NKAIN2: variants seen among roughly 807,000 people sequenced by gnomAD.
NKAIN2 encodes sodium/potassium transporting ATPase interacting 2, also known as sodium/potassium-transporting ATPase subunit beta-1-interacting protein 2.
Under a neutral mutation model 32.6 loss-of-function variants are expected in NKAIN2, and 14 were observed. The ratio of observed to expected loss-of-function variants is 0.43; its 90% CI spans 0.28 to 0.67. NKAIN2 has a LOEUF of 0.67. Ranked by LOEUF, NKAIN2 falls within the 30% of genes least tolerant of loss-of-function variation. The probability of loss-of-function intolerance (pLI) is 0.17; values close to 1 mark genes in which losing one functional copy is unlikely to be tolerated. For missense variants in NKAIN2, 198 were observed against 258.3 expected, an observed-to-expected ratio of 0.77 and a Z score of 1.60; for synonymous variants, 80 against 87.2, an observed-to-expected ratio of 0.92 and a Z score of 0.46.
intron 3 of NKAIN2, among the ~76,000 whole-genome samples, chr6:124,447,511 G>A (rs1196779348): frequency 6.6e-6 from 1 of 152,086 alleles, no homozygotes; most frequent in African/African-American, 2.4e-5. Flanking sequence ...TAAAATTTCG[G>A]TCACAACAAA....
chr6:124,736,920 G>T (rs911844115), intron 4 of NKAIN2, among the ~76,000 whole-genome samples: 16 of 151,910 alleles, frequency 1.1e-4, no homozygotes, highest in African/African-American at 3.4e-4. Flanking sequence ...TTTTTAAAAA[G>T]TATATTTTAT....
At chr6:124,567,757 T>C (rs7757824) in intron 3 of NKAIN2, among the ~76,000 whole-genome samples, 24,513 of 152,226 alleles carry the variant, frequency 0.16, 2,117 homozygotes, top group African/African-American at 0.23. Context: ...TATGTTGGGC[T>C]TTGCAGGCCA....
intron 4 of NKAIN2, among the ~76,000 whole-genome samples, chr6:124,771,622 T>TG (rs1778760367): frequency 6.6e-6 from 1 of 152,220 alleles, no homozygotes; most frequent in East Asian, 1.9e-4. Context: ...TGTTTTTATA[T>TG]GTAGATTATA....
chr6:123,926,496 T>C (rs1461090780), intron 1 of NKAIN2, among the ~76,000 whole-genome samples: 1 of 150,510 alleles, frequency 6.6e-6, no homozygotes, highest in Non-Finnish European at 1.5e-5. Flanking sequence ...CCCAGATTCC[T>C]ACTGCAGTGT....
chr6:124,470,961 T>G (rs1308097996), intron 3 of NKAIN2, among the ~76,000 whole-genome samples: 1 of 152,132 alleles, frequency 6.6e-6, no homozygotes, highest in African/African-American at 2.4e-5. Context: ...GTCAGTTTTG[T>G]AGATAAAGTT....
intron 3 of NKAIN2, among the ~76,000 whole-genome samples, chr6:124,635,886 C>T (rs772347030): frequency 1.3e-5 from 2 of 151,796 alleles, no homozygotes; most frequent in Non-Finnish European, 2.9e-5. Flanking sequence ...CAGATTATCC[C>T]GATAGAAAAT....
At chr6:124,767,584 CT>C (rs1454063526) in intron 4 of NKAIN2, among the ~76,000 whole-genome samples, 1 of 152,126 alleles carries the variant, frequency 6.6e-6, no homozygotes, top group Non-Finnish European at 1.5e-5. Context: ...GCCTTCAGCT[CT>C]ATTTTTTTTC....
chr6:124,097,401 TAA>T (rs35090835), intron 1 of NKAIN2, among the ~76,000 whole-genome samples: 6,256 of 132,434 alleles, frequency 0.047, 200 homozygotes, highest in African/African-American at 0.1. Context: ...GACTTCGTCT[TAA>T]AAAAAAAAAA....
At chr6:124,714,390 AG>A (rs1325128514) in intron 4 of NKAIN2, among the ~76,000 whole-genome samples, 1 of 152,244 alleles carries the variant, frequency 6.6e-6, no homozygotes, top group African/African-American at 2.4e-5. Flanking sequence ...ATTATTTTCA[AG>A]GTTCCAATAA....
At chr6:124,253,727 A>T (rs1038839260) in intron 1 of NKAIN2, among the ~76,000 whole-genome samples, 1 of 150,782 alleles carries the variant, frequency 6.6e-6, no homozygotes, top group Non-Finnish European at 1.5e-5. Flanking sequence ...CATACCTGTT[A>T]TTTTCCCACT....
chr6:124,249,549 A>G (rs1398932313), intron 1 of NKAIN2, among the ~76,000 whole-genome samples: 3 of 151,972 alleles, frequency 2.0e-5, no homozygotes, highest in Non-Finnish European at 2.9e-5. Context: ...CCTGAGCACA[A>G]CTCTTCTTAC....
chr6:124,027,471 T>G (rs1181034943), intron 1 of NKAIN2, among the ~76,000 whole-genome samples: 1 of 152,156 alleles, frequency 6.6e-6, no homozygotes, highest in African/African-American at 2.4e-5. Context: ...TTGAAGACTC[T>G]CAAGTCTATA....
chr6:123,927,888 A>G (rs1007232834), intron 1 of NKAIN2, among the ~76,000 whole-genome samples: 2 of 152,128 alleles, frequency 1.3e-5, no homozygotes, highest in African/African-American at 4.8e-5. Context: ...CATTGTTCAG[A>G]ACTTGATGTC....
At chr6:124,568,488 T>C (rs1781004017) in intron 3 of NKAIN2, among the ~76,000 whole-genome samples, 6 of 152,154 alleles carry the variant, frequency 3.9e-5, no homozygotes. Flanking sequence ...CATTTATAGA[T>C]GAAAAAACTG....
At chr6:124,627,277 A>C (rs1237777534) in intron 3 of NKAIN2, among the ~76,000 whole-genome samples, 2 of 152,214 alleles carry the variant, frequency 1.3e-5, no homozygotes, top group Non-Finnish European at 1.5e-5. Flanking sequence ...CTCAAAAAAA[A>C]AATTAAACTA....
At chr6:124,553,591 G>A (rs570584458) in intron 3 of NKAIN2, among the ~76,000 whole-genome samples, 1 of 152,308 alleles carries the variant, frequency 6.6e-6, no homozygotes, top group East Asian at 1.9e-4. Context: ...AAAGGCATGA[G>A]CCACCACACC....
At chr6:124,186,931 A>T (rs1789772632) in intron 1 of NKAIN2, among the ~76,000 whole-genome samples, 2 of 151,476 alleles carry the variant, frequency 1.3e-5, no homozygotes, top group Middle Eastern at 3.4e-3. Flanking sequence ...ATACCTTAAA[A>T]CAGAGAATTT....
At chr6:124,638,926 G>C (rs1783884238) in intron 3 of NKAIN2, among the ~76,000 whole-genome samples, 1 of 145,226 alleles carries the variant, frequency 6.9e-6, no homozygotes, top group African/African-American at 2.6e-5. Flanking sequence ...CAAAGAATCT[G>C]AATAGAAACT....
chr6:124,804,247 T>A (rs1219380245), intron 5 of NKAIN2, among the ~76,000 whole-genome samples: 1 of 152,186 alleles, frequency 6.6e-6, no homozygotes, highest in African/African-American at 2.4e-5. Flanking sequence ...AAAACCATCA[T>A]TTGTTTCTTA....
Sources: allele counts gnomAD v4.1 joint callset (sites outside exome capture counted in the v4.1 genomes callset), GRCh38; gene constraint gnomAD v4.1.1; transcripts MANE v1.5; gene names NCBI Gene and HGNC (gene_info 2026-07-23, HGNC 2026-07-21).